The following MCCC2 variants were observed in gnomAD, a reference collection of about 807,000 sequenced individuals.
The protein encoded by MCCC2 is methylcrotonyl-CoA carboxylase subunit 2.
MCCC2 carries 52 observed loss-of-function variants against 77.2 expected under a neutral mutation model. The ratio of observed to expected loss-of-function variants is 0.67; its 90% CI spans 0.54 to 0.85. The LOEUF is 0.85. Among genes scored for constraint, MCCC2 ranks in the 40% least tolerant of loss-of-function variants. The pLI is 0.00. For missense variants in MCCC2, 682 were observed against 703.2 expected (o/e 0.97, Z 0.34); for synonymous variants, 253 against 248.4 (o/e 1.02, Z -0.18).
intron 7 of MCCC2, 27 bp from the exon 8 acceptor site, chr5:71,632,094 C>T: frequency 1.2e-6 from 2 of 1,610,270 alleles, no homozygotes; most frequent in Non-Finnish European, 1.7e-6. Flanking sequence ...GGACCGATTT[C>T]ACTGATGATT....
At chr5:71,633,091 T>TTATATATATATATATATA (rs137979624) in intron 8 of MCCC2, among the ~76,000 whole-genome samples, 13 of 84,246 alleles carry the variant, frequency 1.5e-4, no homozygotes, top group African/African-American at 6.1e-4. Flanking sequence ...TTTTTCAGTT[T>TTATATATATATATATATA]TATATATATA....
chr5:71,600,803 A>G (rs546777872), intron 4 of MCCC2, among the ~76,000 whole-genome samples: 4 of 152,092 alleles, frequency 2.6e-5, no homozygotes, highest in South Asian at 4.2e-4. Context: ...GCTGTTTTCT[A>G]CTCCTGGCCC....
chr5:71,611,785 T>G (rs1269735365), intron 6 of MCCC2, among the ~76,000 whole-genome samples: 5 of 151,606 alleles, frequency 3.3e-5, no homozygotes, highest in African/African-American at 1.2e-4. Context: ...CTTTATTCCT[T>G]TTTTTTTCTT....
Position 71,650,106 on chromosome 5 carries a change from TCA to T in MCCC2, c.1412_1413del (p.Ser471CysfsTer30), listed in dbSNP as rs780304038. ...FLYIWPNARI[S>X]VMGGEQAANV... is the part of the protein sequence containing the mutation. ...CTACATTTGGCCAAATGCTCGTATC[TCA>T]GTGATGGGAGGAGAGCAGGCAGCCA... is the stretch of plus-strand genomic sequence containing the variant. On this transcript the variant is annotated frameshift_variant, in exon 15 of 17. Transcript: ENST00000340941. LOFTEE classifies it high-confidence loss of function. 9.3e-6 allele frequency: 15 copies of T among 1,614,042 alleles called. No individual in the cohort carries two copies. The highest frequency in any genetic ancestry group is 1.2e-5 in the Non-Finnish European group (14 of 1,180,028).
intron 10 of MCCC2, chr5:71,636,255 T>C (rs1197855057): frequency 5.2e-6 from 1 of 191,088 alleles, no homozygotes; most frequent in Non-Finnish European, 1.2e-5. Flanking sequence ...CCAGCATTGC[T>C]AGTGGGTCTT....
rs193125971 is a variant in MCCC2 at position 71,615,696 on chromosome 5, C to G, written c.625-10944C>G. Among the ~76,000 whole-genome samples, 482 of 152,256 alleles carry G rather than the reference C, an allele frequency of 3.2e-3. 6 individuals are homozygous for G. The highest frequency in any genetic ancestry group is 4.1e-3 in the Admixed American group (63 of 15,290). ...TCTGAGCAGTAGGGGCACTAGGAGG[C>G]TCTTTTGTTCCAATATTTGGTGTCT... is the stretch of plus-strand genomic sequence containing the variant. On this transcript the variant is annotated intron_variant, in intron 6 of 16. Coordinates refer to ENST00000340941, the MANE Select transcript of MCCC2 (RefSeq NM_022132.5).
intron 6 of MCCC2, among the ~76,000 whole-genome samples, chr5:71,608,973 C>T (rs1045004980): frequency 5.3e-5 from 8 of 150,432 alleles, no homozygotes; most frequent in African/African-American, 1.5e-4. Flanking sequence ...GAGGGTAACC[C>T]GACCTTTCTC....
chr5:71,615,040 C>T (rs1417639277), intron 6 of MCCC2, among the ~76,000 whole-genome samples: 8 of 152,010 alleles, frequency 5.3e-5, no homozygotes, highest in South Asian at 2.1e-4. Context: ...GATCTCGGCT[C>T]ACTGCAACCT....
chr5:71,650,249 G>T (rs1393454779), intron 15 of MCCC2, 66 bp downstream of exon 15: 62 of 1,386,934 alleles, frequency 4.5e-5, no homozygotes, highest in Non-Finnish European at 6.0e-5. Flanking sequence ...TGGAGCCAAG[G>T]AGCAGCGTGC....
intron 15 of MCCC2, 116 bp downstream of exon 15, chr5:71,650,299 C>T (rs1747401835): frequency 2.6e-6 from 2 of 763,858 alleles, no homozygotes; most frequent in Non-Finnish European, 4.7e-6. Flanking sequence ...ACCTGGCGCA[C>T]ACTGCCTGGC....
intron 6 of MCCC2, among the ~76,000 whole-genome samples, chr5:71,625,175 C>A (rs1387423644): frequency 6.6e-6 from 1 of 152,164 alleles, no homozygotes; most frequent in East Asian, 1.9e-4. Flanking sequence ...GAAAACTGTT[C>A]CTTTTTAGAT....
rs138836759 is a variant in MCCC2 at position 71,639,143 on chromosome 5, A to T, written c.1000-1860A>T. 3.0e-3 allele frequency among the ~76,000 whole-genome samples: 452 copies of T among 152,328 alleles called. 1 individual carries two copies. The highest frequency in any genetic ancestry group is 0.01 in the Middle Eastern group (3 of 294). On this transcript the variant is annotated intron_variant, in intron 10 of 16. Transcript: ENST00000340941. ...GATTTAGGATAATTCTGCAACTTAAAGTCACCAGCTGCATTAGCCTTTAAC... is the reference window on the plus strand; with the variant it reads ...GATTTAGGATAATTCTGCAACTTAATGTCACCAGCTGCATTAGCCTTTAAC...
chr5:71,605,217 A>G (rs958427719), intron 6 of MCCC2, among the ~76,000 whole-genome samples: 9 of 148,768 alleles, frequency 6.0e-5, no homozygotes, highest in African/African-American at 1.7e-4. Context: ...AAGTGTTCCT[A>G]TTTCTCCATA....
At chr5:71,602,475 TTCTC>T (rs747291056) in intron 4 of MCCC2, 27 bp from the exon 5 acceptor site, 4 of 1,614,048 alleles carry the variant, frequency 2.5e-6, no homozygotes, top group Non-Finnish European at 3.4e-6. Context: ...ATCTCTTAAA[TTCTC>T]TCTCCAATGA....
At chr5:71,596,169 A>G in intron 2 of MCCC2, 111 bp from the exon 3 acceptor site, 1 of 941,202 alleles carries the variant, frequency 1.1e-6, no homozygotes, top group South Asian at 1.3e-5. Flanking sequence ...CTCAGAGGAT[A>G]TGTTGAACTT....
chr5:71,656,538 T>C (rs1012347734), intron 16 of MCCC2, among the ~76,000 whole-genome samples: 29 of 152,200 alleles, frequency 1.9e-4, no homozygotes, highest in African/African-American at 6.8e-4. Flanking sequence ...TGTGGTGGCC[T>C]GGGATGAAGG....
At chr5:71,646,158 TGA>T in intron 12 of MCCC2, 51 bp from the exon 13 acceptor site, 1 of 1,456,448 alleles carries the variant, frequency 6.9e-7, no homozygotes, top group Non-Finnish European at 9.6e-7. Flanking sequence ...GAATGCATGA[TGA>T]TAATAGAGTT....
chr5:71,646,536 A>G (rs1167585526), intron 13 of MCCC2, among the ~76,000 whole-genome samples: 2 of 151,998 alleles, frequency 1.3e-5, no homozygotes, highest in Non-Finnish European at 2.9e-5. Flanking sequence ...TAATTTTTGT[A>G]TTTTTGTAAG....
intron 15 of MCCC2, among the ~76,000 whole-genome samples, chr5:71,650,896 G>A (rs1022747483): frequency 2.6e-5 from 4 of 152,098 alleles, no homozygotes; most frequent in Admixed American, 2.6e-4. Flanking sequence ...TGATCCACTC[G>A]CCTTGGCCTC....
Sources: gnomAD v4.1 joint callset for allele counts (sites outside exome capture counted in the v4.1 genomes callset) on GRCh38, gnomAD v4.1.1 for gene constraint, MANE v1.5 for transcripts, NCBI Gene and HGNC (gene_info 2026-07-23, HGNC 2026-07-21) for gene names.